NOS2: variants seen among roughly 807,000 people sequenced by gnomAD.
The protein encoded by NOS2 is nitric oxide synthase, inducible.
Under a neutral mutation model 136.0 loss-of-function variants are expected in NOS2, and 96 were observed. The observed-to-expected ratio is 0.71, with a 90% confidence interval of 0.60 to 0.84. The LOEUF is 0.84. Ranked by LOEUF, NOS2 falls within the 40% of genes least tolerant of loss-of-function variation. The pLI is 0.00. For synonymous variants in NOS2, 539 were observed against 587.5 expected (o/e 0.92, Z 1.20); for missense variants, 1,237 against 1,496.9 (o/e 0.83, Z 2.87).
chr17:27,781,183 C>T lies in NOS2; in HGVS notation c.723-6G>A. ...GGAACACGGTGATGGCCGACCTTCCCAGGACAGGAACAGTACTGTTTACCA... is the reference window on the plus strand; with the variant it reads ...GGAACACGGTGATGGCCGACCTTCCTAGGACAGGAACAGTACTGTTTACCA... On this transcript the variant is annotated splice_region_variant and splice_polypyrimidine_tract_variant and intron_variant, in intron 7 of 26. Transcript: ENST00000313735. The T allele has an allele frequency of 1.2e-6, 2 of 1,603,470 alleles. No individual in the cohort carries two copies. The highest frequency in any genetic ancestry group is 1.1e-5 in the South Asian group (1 of 90,786).
chr17:27,765,239 C>A (rs576859948), intron 20 of NOS2, among the ~76,000 whole-genome samples: 4 of 152,344 alleles, frequency 2.6e-5, no homozygotes, highest in African/African-American at 9.6e-5. Context: ...CCACCCACCA[C>A]GGCCTCCCAA....
chr17:27,773,243 C>T lies in NOS2; in HGVS notation c.1477G>A (p.Val493Ile). ...YVLSPFYYYQ[V>I]EAWKTHVWQD... ...CAGACATGGGTTTTCCAGGCCTCTA[C>T]CTTCAGAAAAGAAAGGAGATGTGAG... Residue 493 changes from valine to isoleucine, a missense_variant and splice_region_variant, in exon 13 of 27, where the codon GTA becomes ATA. Val to Ile is a conservative substitution (Grantham distance 29, BLOSUM62 3). Coordinates refer to ENST00000313735, the MANE Select transcript of NOS2 (RefSeq NM_000625.4). 2 of 1,612,668 alleles carry T rather than the reference C, an allele frequency of 1.2e-6. No individual in the cohort carries two copies. The highest frequency in any genetic ancestry group is 1.7e-6 in the Non-Finnish European group (2 of 1,179,094).
chr17:27,767,428 C>T (rs1908340864), intron 18 of NOS2, among the ~76,000 whole-genome samples: 1 of 152,240 alleles, frequency 6.6e-6, no homozygotes, highest in Non-Finnish European at 1.5e-5. Context: ...CTCACTTAGC[C>T]CATGTGGGCC....
chr17:27,781,892 T>C, intron 7 of NOS2, 123 bp downstream of exon 7: 1 of 810,880 alleles, frequency 1.2e-6, no homozygotes, highest in South Asian at 1.6e-5. Context: ...CTTTCTCTTT[T>C]TTCTTTCTCC....
At chr17:27,798,149 C>A (rs1169046126) in intron 2 of NOS2, among the ~76,000 whole-genome samples, 1 of 152,100 alleles carries the variant, frequency 6.6e-6, no homozygotes, top group Non-Finnish European at 1.5e-5. Flanking sequence ...TGAGGGCCCC[C>A]TTGGGTTCCT....
At chr17:27,793,354 C>A (rs1260519132) in intron 2 of NOS2, among the ~76,000 whole-genome samples, 1 of 152,242 alleles carries the variant, frequency 6.6e-6, no homozygotes, top group Non-Finnish European at 1.5e-5. Context: ...CGCAGCGCAA[C>A]TGAACCCGCA....
At chr17:27,767,681 C>T in intron 18 of NOS2, 24 bp downstream of exon 18, 6 of 1,611,932 alleles carry the variant, frequency 3.7e-6, no homozygotes, top group Non-Finnish European at 4.2e-6. Flanking sequence ...AAACAAGCCC[C>T]ATGTGCTGCA....
chr17:27,792,617 G>A (rs1174828059), intron 2 of NOS2, among the ~76,000 whole-genome samples: 1 of 151,980 alleles, frequency 6.6e-6, no homozygotes, highest in Non-Finnish European at 1.5e-5. Flanking sequence ...CCCCGCAGAC[G>A]CTCGTGCAAT....
At chr17:27,767,099 A>G (rs1168473910) in intron 18 of NOS2, among the ~76,000 whole-genome samples, 1 of 152,166 alleles carries the variant, frequency 6.6e-6, no homozygotes, top group Non-Finnish European at 1.5e-5. Flanking sequence ...GGAACCTAAA[A>G]ATGGAAAGTC....
intron 19 of NOS2, 93 bp downstream of exon 19, chr17:27,766,417 C>T (rs947419036): frequency 8.6e-7 from 1 of 1,158,084 alleles, no homozygotes; most frequent in Non-Finnish European, 1.3e-6. Flanking sequence ...ATGCTCTTCT[C>T]CTCTCCCTTC....
intron 15 of NOS2, 84 bp from the exon 16 acceptor site, chr17:27,769,668 A>G: frequency 8.3e-7 from 1 of 1,199,232 alleles, no homozygotes; most frequent in South Asian, 1.2e-5. Flanking sequence ...ACCTGGCCAC[A>G]GCTTGCAGGA....
At chr17:27,799,530 G>C (rs907183551) in intron 1 of NOS2, among the ~76,000 whole-genome samples, 1 of 152,234 alleles carries the variant, frequency 6.6e-6, no homozygotes, top group Non-Finnish European at 1.5e-5. Context: ...TTAGAAGACA[G>C]TGTAGTGAAT....
At chr17:27,765,928 G>T (rs1047190354) in intron 19 of NOS2, among the ~76,000 whole-genome samples, 1 of 152,142 alleles carries the variant, frequency 6.6e-6, no homozygotes, top group South Asian at 2.1e-4. Context: ...GGAGGAGGGG[G>T]GCCCACCCCT....
intron 2 of NOS2, among the ~76,000 whole-genome samples, chr17:27,795,766 AT>A (rs1346743320): frequency 1.3e-5 from 2 of 152,004 alleles, no homozygotes; most frequent in Non-Finnish European, 2.9e-5. Flanking sequence ...GATGTGTGAT[AT>A]TTTTTTCTTC....
chr17:27,787,479 G>A lies in NOS2; in HGVS notation c.467+199C>T, dbSNP rs563804747. ...TTTAACTGGTATTGCTATGTACAACGTTATCCCACAATTATGAGAACCTGC... is the reference window on the plus strand; with the variant it reads ...TTTAACTGGTATTGCTATGTACAACATTATCCCACAATTATGAGAACCTGC... On this transcript the variant is annotated intron_variant, in intron 5 of 26. Transcript: ENST00000313735. Among the ~76,000 whole-genome samples, 12 of 152,296 alleles carry A rather than the reference G, an allele frequency of 7.9e-5. No individual in the cohort carries two copies. The South Asian group carries it at 1.5e-3, about 18-fold the overall frequency.
Position 27,757,112 on chromosome 17 carries a change from C to T in NOS2, c.*134G>A, listed in dbSNP as rs201550339. ...AAGTAAAGGGCTTGATGGGGAGCAA[C>T]GTTGAGGAAATAAGACTTGAGGCTG... On this transcript the variant is annotated 3_prime_UTR_variant, in exon 27 of 27. Coordinates refer to ENST00000313735, the MANE Select transcript of NOS2 (RefSeq NM_000625.4). The T allele has an allele frequency of 1.4e-5, 9 of 658,762 alleles. No homozygotes were observed. Among genetic ancestry groups the T allele is most frequent in the African/African-American group, 7.3e-5 (4 of 54,500 alleles). 40.8% of individuals were successfully genotyped at this position (658,762 alleles called of 1,614,324 possible).
Position 27,798,742 on chromosome 17 carries a change from T to G in NOS2, c.68A>C (p.Asp23Ala), listed in dbSNP as rs781735327. The part of the protein sequence containing the change: ...FHQYAMNGEK[D>A]INNNVEKAPC... ...GGCTTTCTCCACATTGTTGTTGATG[T>G]CTTTTTCCCCATTCATTGCATACTG... is the stretch of plus-strand genomic sequence containing the variant. The change falls in exon 2 of 27, where the codon GAC becomes GCC. Residue 23 changes from aspartate (D) to alanine (A), a missense_variant. This residue lies in a region of NOS2 where 440 missense variants were observed against 545.4 expected (regional missense o/e 0.81). Transcript: ENST00000313735. 1.2e-6 allele frequency: 2 copies of G among 1,614,086 alleles called. No individual in the cohort carries two copies. The highest frequency in any genetic ancestry group is 1.7e-6 in the Non-Finnish European group (2 of 1,179,920).
At chr17:27,780,646 A>T (rs909171591) in intron 9 of NOS2, 121 bp downstream of exon 9, 9 of 1,278,330 alleles carry the variant, frequency 7.0e-6, no homozygotes, top group Non-Finnish European at 1.0e-5. Context: ...CAGCCCCCTG[A>T]GTGTCACCTG....
At chr17:27,790,530 G>T (rs1030933012) in intron 2 of NOS2, among the ~76,000 whole-genome samples, 1 of 152,084 alleles carries the variant, frequency 6.6e-6, no homozygotes, top group Non-Finnish European at 1.5e-5. Context: ...AACCTTCCAT[G>T]GGCCCTTCAC....
Sources: gnomAD v4.1 joint callset for allele counts (sites outside exome capture counted in the v4.1 genomes callset) on GRCh38, gnomAD v4.1.1 for gene constraint, gnomAD v4.1.1 regional missense constraint, MANE v1.5 for transcripts, NCBI Gene and HGNC (gene_info 2026-07-23, HGNC 2026-07-21) for gene names.